The following CDC42BPA variants were observed in gnomAD, a reference collection of about 807,000 sequenced individuals.
CDC42BPA encodes CDC42 binding protein kinase alpha, also known as serine/threonine-protein kinase MRCK alpha.
A neutral mutation model predicts 223.5 loss-of-function variants in CDC42BPA; 80 were observed. The observed-to-expected ratio is 0.36, with a 90% CI of 0.30 to 0.43. CDC42BPA has a LOEUF of 0.43. CDC42BPA is among the 20% of genes least tolerant of loss of function. The probability of loss-of-function intolerance (pLI) is 1.00; values close to 1 mark genes in which losing one functional copy is unlikely to be tolerated. For synonymous variants in CDC42BPA, 694 were observed against 718.6 expected (o/e 0.97, Z 0.55); for missense variants, 1,743 against 2,099.9 (o/e 0.83, Z 3.32).
At position 227,123,791 on chromosome 1, in the gene CDC42BPA, A is replaced by G. The variant is rs115659459; in HGVS notation, c.1514-3854T>C. 6.0e-3 allele frequency among the ~76,000 whole-genome samples: 906 copies of G among 152,262 alleles called. 10 individuals carry two copies. The highest frequency in any genetic ancestry group is 0.021 in the African/African-American group (853 of 41,548). On this transcript the variant is annotated intron_variant, in intron 11 of 36. Coordinates refer to ENST00000366766, the MANE Select transcript of CDC42BPA (RefSeq NM_001394014.1). ...AACTTTATTTCTAATTATAATCAGTAAAAATAGGCTCCTTTATTATCAATG... is the reference window on the plus strand; with the variant it reads ...AACTTTATTTCTAATTATAATCAGTGAAAATAGGCTCCTTTATTATCAATG...
chr1:227,304,292 G>A (rs1349622271), intron 1 of CDC42BPA, among the ~76,000 whole-genome samples: 1 of 152,024 alleles, frequency 6.6e-6, no homozygotes, highest in Non-Finnish European at 1.5e-5. Flanking sequence ...TGCAGTCCCA[G>A]CTACTCAGGA....
chr1:227,097,082 C>T (rs1684140870), intron 15 of CDC42BPA, among the ~76,000 whole-genome samples: 1 of 152,100 alleles, frequency 6.6e-6, no homozygotes, highest in African/African-American at 2.4e-5. Flanking sequence ...TCCTCAAGTA[C>T]TTTGCTCCAG....
Position 227,193,812 on chromosome 1 carries a change from T to C in CDC42BPA, c.573A>G (p.Ser191=). The C allele has an allele frequency of 1.9e-6, 3 of 1,612,804 alleles. No individual in the cohort carries two copies. Among genetic ancestry groups the C allele is most frequent in the Non-Finnish European group, 2.5e-6 (3 of 1,179,414 alleles). Residue 191 remains serine (S), a synonymous_variant, in exon 5 of 37, where the codon TCA becomes TCG. Transcript: ENST00000366766. ...TGTGTACATAATGTAGCTGATGAACTGAGTCAATTGCTATCACCATCTCAG... is the reference window on the plus strand; with the variant it reads ...TGTGTACATAATGTAGCTGATGAACCGAGTCAATTGCTATCACCATCTCAG... The part of the protein sequence containing the change: ...YLAEMVIAID[S]VHQLHYVHRD...
At chr1:227,279,244 T>C (rs1279658523) in intron 1 of CDC42BPA, among the ~76,000 whole-genome samples, 1 of 152,128 alleles carries the variant, frequency 6.6e-6, no homozygotes, top group Admixed American at 6.5e-5. Flanking sequence ...TTTGAGATAA[T>C]GAAAAATTGA....
At chr1:227,003,415 C>A (rs574195328) in intron 35 of CDC42BPA, among the ~76,000 whole-genome samples, 1 of 152,170 alleles carries the variant, frequency 6.6e-6, no homozygotes. Flanking sequence ...AAAGCACACA[C>A]TTGAGAAAGT....
intron 2 of CDC42BPA, among the ~76,000 whole-genome samples, chr1:227,220,636 C>A (rs1675737267): frequency 6.6e-6 from 1 of 151,604 alleles, no homozygotes; most frequent in Non-Finnish European, 1.5e-5. Flanking sequence ...GATAACAGAC[C>A]TTTTACATTC....
At chr1:227,292,943 CCTT>C (rs1318713650) in intron 1 of CDC42BPA, among the ~76,000 whole-genome samples, 2 of 152,132 alleles carry the variant, frequency 1.3e-5, no homozygotes, top group African/African-American at 2.4e-5. Flanking sequence ...AAATTGCCCT[CCTT>C]GTTATATTTT....
intron 23 of CDC42BPA, among the ~76,000 whole-genome samples, chr1:227,042,359 A>G (rs894544250): frequency 6.6e-6 from 1 of 151,054 alleles, no homozygotes; most frequent in African/African-American, 2.5e-5. Context: ...GGATGTCACA[A>G]TTCTGAGTAT....
At chr1:227,179,653 AAAAAAAAG>A in intron 5 of CDC42BPA, among the ~76,000 whole-genome samples, 1 of 149,674 alleles carries the variant, frequency 6.7e-6, no homozygotes, top group Non-Finnish European at 1.5e-5. Flanking sequence ...AAAAAAAAAA[AAAAAAAAG>A]CTATTTTAAA....
chr1:227,135,285 G>C (rs573117824), intron 10 of CDC42BPA, among the ~76,000 whole-genome samples: 1 of 152,300 alleles, frequency 6.6e-6, no homozygotes, highest in Non-Finnish European at 1.5e-5. Flanking sequence ...GGGCTGCATG[G>C]GAAGTTAGGG....
intron 3 of CDC42BPA, among the ~76,000 whole-genome samples, chr1:227,208,431 A>G (rs1673226409): frequency 1.4e-5 from 2 of 139,268 alleles, no homozygotes; most frequent in Non-Finnish European, 3.1e-5. Flanking sequence ...GTCCTTGCCC[A>G]TGCCTATGTC....
chr1:227,012,394 T>C (rs925112951), intron 34 of CDC42BPA, among the ~76,000 whole-genome samples: 1 of 152,150 alleles, frequency 6.6e-6, no homozygotes, highest in African/African-American at 2.4e-5. Context: ...ATATTAATGC[T>C]TATATTGTCT....
rs943764157 is a variant in CDC42BPA at position 227,178,471 on chromosome 1, C to T, written c.599+15315G>A. 10 of 153,026 alleles carry T rather than the reference C, an allele frequency of 6.5e-5. No individual in the cohort carries two copies. In the East Asian group the frequency reaches 1.7e-3, roughly 26 times the overall value. 9.5% of individuals were successfully genotyped at this position (153,026 alleles called of 1,614,324 possible). A position where few individuals can be genotyped will look rare whatever the true frequency, so the allele number is the denominator to read the frequency against. On this transcript the variant is annotated intron_variant, in intron 5 of 36. Coordinates refer to ENST00000366766, the MANE Select transcript of CDC42BPA (RefSeq NM_001394014.1). ...TAAACCTCTTTCTTTTATAAATTGC[C>T]CAGTCTTGGGGTATGTCTTGTCTTT...
intron 2 of CDC42BPA, among the ~76,000 whole-genome samples, chr1:227,239,911 C>T (rs1159927783): frequency 3.3e-5 from 5 of 152,046 alleles, no homozygotes; most frequent in Non-Finnish European, 1.5e-5. Flanking sequence ...TATTAGAGGT[C>T]CGAGCTAGTG....
At chr1:227,059,472 G>A in intron 21 of CDC42BPA, 3 of 1,390,472 alleles carry the variant, frequency 2.2e-6, no homozygotes, top group South Asian at 2.5e-5. Flanking sequence ...AGACTCTCAA[G>A]GACTACTATT....
At chr1:227,069,994 T>A in intron 20 of CDC42BPA, 141 bp from the exon 21 acceptor site, 1 of 502,974 alleles carries the variant, frequency 2.0e-6, no homozygotes, top group Non-Finnish European at 3.6e-6. Context: ...ACTCTACATT[T>A]AAACAAAACT....
Position 227,198,825 on chromosome 1 carries a change from G to A in CDC42BPA, c.450+732C>T, listed in dbSNP as rs542734476. Among the ~76,000 whole-genome samples, 18 of 151,588 alleles carry A rather than the reference G, an allele frequency of 1.2e-4. No individual in the cohort carries two copies. In the South Asian group the frequency reaches 3.3e-3, roughly 28 times the overall value. ...GCTGGAGTGCAGTGGCATTATCACTGCAAGCTCTGCCTCCCAGGTTCAGGC... is the reference window on the plus strand; with the variant it reads ...GCTGGAGTGCAGTGGCATTATCACTACAAGCTCTGCCTCCCAGGTTCAGGC... On this transcript the variant is annotated intron_variant, in intron 4 of 36. Coordinates refer to ENST00000366766, the MANE Select transcript of CDC42BPA (RefSeq NM_001394014.1).
intron 1 of CDC42BPA, among the ~76,000 whole-genome samples, chr1:227,305,423 T>C (rs1020623571): frequency 3.3e-5 from 5 of 152,210 alleles, no homozygotes; most frequent in Admixed American, 6.5e-5. Flanking sequence ...AATGTCTGCA[T>C]TGTGGTTTGT....
At chr1:227,041,922 C>A (rs1267441881) in intron 23 of CDC42BPA, among the ~76,000 whole-genome samples, 1 of 152,110 alleles carries the variant, frequency 6.6e-6, no homozygotes. Flanking sequence ...CAAATAACCA[C>A]CTTGGAAAGA....
Sources: allele counts gnomAD v4.1 joint callset (sites outside exome capture counted in the v4.1 genomes callset), GRCh38; gene constraint gnomAD v4.1.1; transcripts MANE v1.5; gene names NCBI Gene and HGNC (gene_info 2026-07-23, HGNC 2026-07-21).